Variants in STXBP6 observed in about 807,000 individuals in gnomAD.
STXBP6 encodes the protein syntaxin binding protein 6, also known as syntaxin-binding protein 6.
In STXBP6, 21 loss-of-function variants were observed where a neutral mutation model predicts 26.9. That is an observed-to-expected ratio of 0.78 (90% CI 0.55 to 1.12). The LOEUF (loss-of-function observed/expected upper bound fraction) is 1.12. STXBP6 is among the 50% of genes most tolerant of loss of function. The pLI is 0.00. For synonymous variants in STXBP6, 97 were observed against 92.6 expected (o/e 1.05, Z -0.27); for missense variants, 232 against 257.9 (o/e 0.90, Z 0.69).
At chr14:24,913,000 CT>C (rs1220366720) in intron 2 of STXBP6, among the ~76,000 whole-genome samples, 1 of 152,170 alleles carries the variant, frequency 6.6e-6, no homozygotes, top group Non-Finnish European at 1.5e-5. Context: ...CATAATTATT[CT>C]TTGCAATCCT....
chr14:25,046,770 G>A (rs569555559), intron 1 of STXBP6, among the ~76,000 whole-genome samples: 6 of 152,292 alleles, frequency 3.9e-5, no homozygotes, highest in South Asian at 2.1e-4. Flanking sequence ...GGACTATGGC[G>A]TGGGGGAAAA....
chr14:24,874,941 A>C (rs1035630579), intron 2 of STXBP6, among the ~76,000 whole-genome samples: 4 of 152,142 alleles, frequency 2.6e-5, no homozygotes, highest in African/African-American at 4.8e-5. Context: ...AAATCACCCT[A>C]TCATTCCTCG....
chr14:24,846,261 A>T (rs1304019669), intron 4 of STXBP6, among the ~76,000 whole-genome samples: 1 of 152,198 alleles, frequency 6.6e-6, no homozygotes, highest in Non-Finnish European at 1.5e-5. Flanking sequence ...AGTATTTCCT[A>T]CTACCTATAA....
chr14:24,857,720 T>C (rs1406931356), intron 2 of STXBP6, among the ~76,000 whole-genome samples: 1 of 151,820 alleles, frequency 6.6e-6, no homozygotes, highest in Non-Finnish European at 1.5e-5. Context: ...TTGTATCTAG[T>C]TTGCATCTAA....
intron 2 of STXBP6, among the ~76,000 whole-genome samples, chr14:24,865,221 T>C (rs2069676549): frequency 6.6e-6 from 1 of 152,030 alleles, no homozygotes; most frequent in African/African-American, 2.4e-5. Flanking sequence ...GGACAAAATA[T>C]ATGAAGCAAT....
chr14:25,044,006 C>T (rs1006766830), intron 1 of STXBP6, among the ~76,000 whole-genome samples: 4 of 135,332 alleles, frequency 3.0e-5, no homozygotes, highest in Non-Finnish European at 6.6e-5. Context: ...TCTATCTCTA[C>T]CAAAAATAAA....
At chr14:25,013,499 CA>C (rs2075079068) in intron 1 of STXBP6, among the ~76,000 whole-genome samples, 8 of 151,744 alleles carry the variant, frequency 5.3e-5, no homozygotes, top group African/African-American at 1.5e-4. Flanking sequence ...CACACACACA[CA>C]CACCCCTAAA....
At chr14:24,921,205 C>A (rs1231372870) in intron 2 of STXBP6, among the ~76,000 whole-genome samples, 1 of 152,272 alleles carries the variant, frequency 6.6e-6, no homozygotes, top group South Asian at 2.1e-4. Context: ...TAAAGTAATT[C>A]ATACAATGTA....
chr14:24,897,177 G>A (rs544033934), intron 2 of STXBP6, among the ~76,000 whole-genome samples: 60 of 152,172 alleles, frequency 3.9e-4, no homozygotes, highest in African/African-American at 1.3e-3. Flanking sequence ...TTGGGAGGCT[G>A]AGGCAGGCAG....
chr14:25,045,500 CTTTG>C (rs1196998481), intron 1 of STXBP6, among the ~76,000 whole-genome samples: 1 of 151,324 alleles, frequency 6.6e-6, no homozygotes, highest in Non-Finnish European at 1.5e-5. Context: ...ACTAACCTTG[CTTTG>C]TTTGAGGATG....
intron 2 of STXBP6, among the ~76,000 whole-genome samples, chr14:24,864,437 G>A (rs1311855149): frequency 6.6e-6 from 1 of 152,108 alleles, no homozygotes; most frequent in Non-Finnish European, 1.5e-5. Context: ...CCTTTACAAT[G>A]AGAAGAGATG....
At chr14:24,817,890 G>A in intron 5 of STXBP6, 2 of 366,070 alleles carry the variant, frequency 5.5e-6, no homozygotes, top group South Asian at 4.1e-5. Flanking sequence ...TGAATGAGAT[G>A]ACAAGACAGC....
intron 2 of STXBP6, among the ~76,000 whole-genome samples, chr14:24,890,979 G>C (rs2139528672): frequency 6.6e-6 from 1 of 152,330 alleles, no homozygotes; most frequent in Middle Eastern, 3.4e-3. Context: ...CCAGTGCACT[G>C]CTGCCATCTG....
intron 1 of STXBP6, among the ~76,000 whole-genome samples, chr14:25,016,446 C>G (rs538787568): frequency 3.9e-5 from 6 of 152,262 alleles, no homozygotes; most frequent in African/African-American, 1.4e-4. Flanking sequence ...AGGCAATCCT[C>G]AGAGAGTGAG....
chr14:25,017,807 T>C (rs2075182217), intron 1 of STXBP6, among the ~76,000 whole-genome samples: 1 of 152,156 alleles, frequency 6.6e-6, no homozygotes, highest in African/African-American at 2.4e-5. Flanking sequence ...CCCCAGGCCT[T>C]GGTTCACAGT....
At chr14:24,900,688 C>A (rs923362106) in intron 2 of STXBP6, among the ~76,000 whole-genome samples, 1 of 152,174 alleles carries the variant, frequency 6.6e-6, no homozygotes, top group Non-Finnish European at 1.5e-5. Context: ...TTTCTGGACC[C>A]ATCTCATGGG....
chr14:24,967,701 C>A (rs1015424913), intron 2 of STXBP6, among the ~76,000 whole-genome samples: 3 of 152,124 alleles, frequency 2.0e-5, no homozygotes, highest in Non-Finnish European at 4.4e-5. Flanking sequence ...AATAAAGAGA[C>A]AAAAGGCTTA....
intron 2 of STXBP6, among the ~76,000 whole-genome samples, chr14:24,865,169 A>G (rs1187755827): frequency 1.3e-5 from 2 of 152,176 alleles, no homozygotes; most frequent in East Asian, 3.9e-4. Flanking sequence ...TCCAATCCAG[A>G]TAAGTGCTAT....
chr14:24,875,741 C>A (rs1287423726), intron 2 of STXBP6, among the ~76,000 whole-genome samples: 1 of 152,148 alleles, frequency 6.6e-6, no homozygotes, highest in Non-Finnish European at 1.5e-5. Flanking sequence ...CTGGAAAAAT[C>A]TGAAGGCACA....
Sources: gnomAD v4.1 joint callset for allele counts (sites outside exome capture counted in the v4.1 genomes callset) on GRCh38, gnomAD v4.1.1 for gene constraint, MANE v1.5 for transcripts, NCBI Gene and HGNC (gene_info 2026-07-23, HGNC 2026-07-21) for gene names.